TLN2: variants seen among roughly 807,000 people sequenced by gnomAD.
TLN2 encodes the protein talin 2, also known as talin-2.
TLN2 carries 118 observed loss-of-function variants against 294.7 expected under a neutral mutation model. The ratio of observed to expected loss-of-function variants is 0.40; its 90% CI spans 0.34 to 0.47. The LOEUF (loss-of-function observed/expected upper bound fraction) is 0.47. Among genes scored for constraint, TLN2 ranks in the 20% least tolerant of loss-of-function variants. TLN2 has a pLI of 0.84. For synonymous variants in TLN2, 1,431 were observed against 1,304.5 expected, an observed-to-expected ratio of 1.10 and a Z score of -2.09; for missense variants, 3,083 against 3,282.2, an observed-to-expected ratio of 0.94 and a Z score of 1.48.
At chr15:62,608,095 TC>T (rs1217955349) in intron 2 of TLN2, among the ~76,000 whole-genome samples, 1 of 150,580 alleles carries the variant, frequency 6.6e-6, no homozygotes, top group Non-Finnish European at 1.5e-5. Flanking sequence ...ACTACCCCCA[TC>T]CCCCCACCCC....
At chr15:62,584,742 G>A (rs1435802263) in intron 1 of TLN2, among the ~76,000 whole-genome samples, 1 of 152,178 alleles carries the variant, frequency 6.6e-6, no homozygotes, top group African/African-American at 2.4e-5. Context: ...ATTGTTCCTC[G>A]GCTTCTCCCA....
chr15:62,727,454 G>C (rs2140934135), intron 28 of TLN2, among the ~76,000 whole-genome samples: 1 of 152,314 alleles, frequency 6.6e-6, no homozygotes, highest in East Asian at 1.9e-4. Flanking sequence ...AGGTCTATCT[G>C]TGAATCCTGG....
chr15:62,458,751 A>T (rs543677368), intron 1 of TLN2, among the ~76,000 whole-genome samples: 1 of 152,246 alleles, frequency 6.6e-6, no homozygotes, highest in African/African-American at 2.4e-5. Flanking sequence ...CCTGGGCAAC[A>T]TAACGAGACT....
chr15:62,797,332 C>T lies in TLN2; in HGVS notation c.6164C>T (p.Thr2055Ile). 2 of 1,613,700 alleles carry T rather than the reference C, an allele frequency of 1.2e-6. No individual in the cohort carries two copies. The highest frequency in any genetic ancestry group is 1.7e-6 in the Non-Finnish European group (2 of 1,180,000). Residue 2055 changes from threonine (T) to isoleucine (I), a missense_variant, in exon 48 of 59, where the codon ACC (threonine) becomes ATC (isoleucine). Physicochemically the swap from Thr to Ile is moderately conservative, Grantham distance 89. Transcript: ENST00000636159. The stretch of plus-strand genomic sequence containing the variant: ...CAGGCGGCCCAGTCCTCAGCAGCCA[C>T]CATCACCCAGCTCGCAGAAGTGGTC... ...LAQAAQSSAA[T>I]ITQLAEVVKL...
intron 2 of TLN2, among the ~76,000 whole-genome samples, chr15:62,604,040 G>A (rs2140792446): frequency 6.6e-6 from 1 of 152,302 alleles, no homozygotes; most frequent in South Asian, 2.1e-4. Flanking sequence ...TTGATTTATG[G>A]ACACTGAAAT....
intron 37 of TLN2, among the ~76,000 whole-genome samples, chr15:62,760,395 C>T (rs2062588219): frequency 6.6e-6 from 1 of 152,112 alleles, no homozygotes; most frequent in African/African-American, 2.4e-5. Flanking sequence ...AGAAATGCTC[C>T]CATCTCAGAT....
At chr15:62,419,932 TATTTCTTGAC>T in intron 1 of TLN2, among the ~76,000 whole-genome samples, 1 of 152,258 alleles carries the variant, frequency 6.6e-6, no homozygotes, top group South Asian at 2.1e-4. Context: ...TCCTGAACTC[TATTTCTTGAC>T]AACCCAAGGG....
chr15:62,680,552 C>CA (rs906258562), intron 11 of TLN2, among the ~76,000 whole-genome samples: 47 of 138,646 alleles, frequency 3.4e-4, no homozygotes, highest in South Asian at 6.9e-4. Flanking sequence ...AGAACAGCAT[C>CA]AAAAAAAAAA....
chr15:62,719,799 G>A lies in TLN2; in HGVS notation c.2910G>A (p.Gln970=). The part of the protein sequence containing the change: ...AVADHIPQLV[Q]GVRGSQAQAE... ...CTGATCACATCCCTCAGCTGGTCCA[G>A]GGAGTGAGGGGGAGCCAAGCTCAAG... The change falls in exon 25 of 59, where the codon CAG becomes CAA. Residue 970 remains glutamine (Q), a synonymous_variant. Coordinates refer to ENST00000636159, the MANE Select transcript of TLN2 (RefSeq NM_015059.3). The A allele has an allele frequency of 6.2e-7, 1 of 1,611,702 alleles. No individual in the cohort carries two copies.
chr15:62,569,484 G>A (rs2043684902), intron 1 of TLN2, among the ~76,000 whole-genome samples: 1 of 152,220 alleles, frequency 6.6e-6, no homozygotes. Context: ...GGGTTAGCCC[G>A]GCATTTGGTG....
intron 3 of TLN2, chr15:62,645,236 C>T (rs1359070128): frequency 1.3e-5 from 2 of 152,776 alleles, no homozygotes; most frequent in African/African-American, 4.8e-5. Context: ...CTTTAAAAGT[C>T]CTCAATATTG....
chr15:62,512,061 C>T (rs1307772230), intron 1 of TLN2, among the ~76,000 whole-genome samples: 1 of 152,208 alleles, frequency 6.6e-6, no homozygotes, highest in Non-Finnish European at 1.5e-5. Flanking sequence ...CTTACTTCTT[C>T]AGTCACAAAG....
chr15:62,787,279 A>G (rs1408435404), intron 45 of TLN2, among the ~76,000 whole-genome samples: 1 of 152,148 alleles, frequency 6.6e-6, no homozygotes, highest in East Asian at 1.9e-4. Context: ...CAAGCAAATT[A>G]TATTTGACCT....
intron 8 of TLN2, among the ~76,000 whole-genome samples, chr15:62,656,536 A>G (rs1567278238): frequency 6.6e-6 from 1 of 152,198 alleles, no homozygotes; most frequent in Admixed American, 6.5e-5. Flanking sequence ...CTGACAAGTC[A>G]TTTAACATAT....
intron 1 of TLN2, among the ~76,000 whole-genome samples, chr15:62,562,957 CACACACACACACA>C (rs1567104818): frequency 1.1e-4 from 15 of 138,920 alleles, no homozygotes; most frequent in African/African-American, 4.1e-4. Context: ...CACACACACA[CACACACACACACA>C]CCAGTTTCTT....
At chr15:62,480,332 A>G (rs1329139405) in intron 1 of TLN2, among the ~76,000 whole-genome samples, 3 of 152,070 alleles carry the variant, frequency 2.0e-5, no homozygotes, top group East Asian at 3.9e-4. Context: ...TCCAGCCTCA[A>G]CTTCCCGAGT....
chr15:62,742,872 A>G (rs931682390), intron 32 of TLN2, among the ~76,000 whole-genome samples: 4 of 152,206 alleles, frequency 2.6e-5, no homozygotes, highest in African/African-American at 9.7e-5. Flanking sequence ...CAAGAGGGTC[A>G]GGCAGGCTCC....
At chr15:62,675,419 C>A (rs914484098) in intron 11 of TLN2, 98 bp downstream of exon 11, 5 of 1,247,164 alleles carry the variant, frequency 4.0e-6, no homozygotes, top group South Asian at 2.7e-5. Flanking sequence ...TGCTCACCCC[C>A]CTAGCATTTG....
At chr15:62,483,265 A>G (rs1021067791) in intron 1 of TLN2, among the ~76,000 whole-genome samples, 1 of 152,228 alleles carries the variant, frequency 6.6e-6, no homozygotes, top group African/African-American at 2.4e-5. Context: ...ACAGGAATGG[A>G]CAATGACAGG....
Sources: gnomAD v4.1 joint callset for allele counts (sites outside exome capture counted in the v4.1 genomes callset) on GRCh38, gnomAD v4.1.1 for gene constraint, MANE v1.5 for transcripts, NCBI Gene and HGNC (gene_info 2026-07-23, HGNC 2026-07-21) for gene names.